The following PRKG1 variants were observed in gnomAD, a reference collection of about 807,000 sequenced individuals.
PRKG1 encodes protein kinase cGMP-dependent 1, also known as cGMP-dependent protein kinase 1.
Under a neutral mutation model 88.1 loss-of-function variants are expected in PRKG1, and 35 were observed. That is an observed-to-expected ratio of 0.40 (90% CI 0.30 to 0.53). The LOEUF (loss-of-function observed/expected upper bound fraction) is 0.53. Ranked by LOEUF, PRKG1 falls within the 20% of genes least tolerant of loss-of-function variation. The pLI is 0.59. For missense variants in PRKG1, 540 were observed against 839.8 expected (o/e 0.64, Z 4.41); for synonymous variants, 303 against 292.5 (o/e 1.04, Z -0.37).
chr10:51,497,570 G>A (rs2132885210), intron 3 of PRKG1, among the ~76,000 whole-genome samples: 1 of 152,330 alleles, frequency 6.6e-6, no homozygotes, highest in Non-Finnish European at 1.5e-5. Flanking sequence ...AAAAAGAAAG[G>A]TAATTGCTAA....
chr10:51,304,330 A>G (rs980535009), intron 2 of PRKG1, among the ~76,000 whole-genome samples: 4 of 152,216 alleles, frequency 2.6e-5, no homozygotes, highest in African/African-American at 9.6e-5. Flanking sequence ...AAAACATTAC[A>G]TAGAATCAAA....
chr10:51,385,283 A>G (rs547968984), intron 2 of PRKG1, among the ~76,000 whole-genome samples: 3 of 152,322 alleles, frequency 2.0e-5, no homozygotes, highest in African/African-American at 7.2e-5. Flanking sequence ...CACACAGTGT[A>G]TTTCTTCCTA....
At chr10:51,902,678 T>A (rs910592795) in intron 4 of PRKG1, among the ~76,000 whole-genome samples, 1 of 152,104 alleles carries the variant, frequency 6.6e-6, no homozygotes, top group Non-Finnish European at 1.5e-5. Flanking sequence ...ACAGTAGAAG[T>A]GCTAATAGCA....
intron 9 of PRKG1, among the ~76,000 whole-genome samples, chr10:52,188,424 T>C (rs892003991): frequency 3.3e-5 from 5 of 150,650 alleles, no homozygotes; most frequent in Admixed American, 6.7e-5. Flanking sequence ...TCATAGCTCA[T>C]TGGAGCCTCA....
intron 3 of PRKG1, among the ~76,000 whole-genome samples, chr10:51,802,718 T>A (rs1283466652): frequency 6.6e-6 from 1 of 151,996 alleles, no homozygotes; most frequent in African/African-American, 2.4e-5. Flanking sequence ...GGGAGAGAGA[T>A]AACAATATTA....
At position 51,390,178 on chromosome 10, in the gene PRKG1, A is replaced by C. The variant is rs1036381720; in HGVS notation, c.479-77545A>C. On this transcript the variant is annotated intron_variant, in intron 2 of 17. Transcript: ENST00000373980. ...TCATGTGGAACACATCCAAAGTGCA[A>C]AACTCTGTGGGAATTCCACCAAGCC... Among the ~76,000 whole-genome samples, 8 of 152,342 alleles carry C rather than the reference A, an allele frequency of 5.3e-5. No individual in the cohort carries two copies. The South Asian group carries it at 1.4e-3, about 28-fold the overall frequency.
At chr10:51,830,560 G>GTTTTTT (rs531412645) in intron 4 of PRKG1, among the ~76,000 whole-genome samples, 9 of 83,630 alleles carry the variant, frequency 1.1e-4, no homozygotes, top group African/African-American at 1.3e-4. Flanking sequence ...TTTTTTTTTT[G>GTTTTTT]TTTTTTTTTT....
At chr10:51,580,400 A>G (rs1473724069) in intron 3 of PRKG1, among the ~76,000 whole-genome samples, 2 of 152,176 alleles carry the variant, frequency 1.3e-5, no homozygotes, top group African/African-American at 4.8e-5. Context: ...ATTCTTGCCA[A>G]CACATGGTAT....
At chr10:52,084,751 C>T (rs914707911) in intron 7 of PRKG1, among the ~76,000 whole-genome samples, 1 of 151,984 alleles carries the variant, frequency 6.6e-6, no homozygotes, top group African/African-American at 2.4e-5. Flanking sequence ...AATAGTTTAT[C>T]TAGTTAACAG....
intron 5 of PRKG1, among the ~76,000 whole-genome samples, chr10:51,991,935 T>A (rs369383287): frequency 6.6e-6 from 1 of 152,200 alleles, no homozygotes; most frequent in Non-Finnish European, 1.5e-5. Context: ...AGAAACTGTA[T>A]GTGAGGAGTC....
In PRKG1 at chr10:52,036,427, G is replaced by C. The variant is rs544427595; in HGVS notation, c.763-18057G>C. Among the ~76,000 whole-genome samples the C allele has an allele frequency of 2.1e-4, 31 of 150,512 alleles. 1 individual carries two copies. Among genetic ancestry groups the C allele is most frequent in the Non-Finnish European group, 3.8e-4 (26 of 67,762 alleles). On this transcript the variant is annotated intron_variant, in intron 5 of 17. Transcript: ENST00000373980. ...GTAAAATGGGGGAATTGTAAGGAGA[G>C]TTTATAGGCTTTAAAAGGCCATGCT...
At chr10:52,087,110 C>G (rs1343618713) in intron 7 of PRKG1, among the ~76,000 whole-genome samples, 1 of 152,086 alleles carries the variant, frequency 6.6e-6, no homozygotes, top group Non-Finnish European at 1.5e-5. Context: ...ACAGCCAAAC[C>G]ATGCCAGATA....
At chr10:51,144,492 G>T (rs1358687827) in intron 1 of PRKG1, among the ~76,000 whole-genome samples, 1 of 152,006 alleles carries the variant, frequency 6.6e-6, no homozygotes, top group Non-Finnish European at 1.5e-5. Context: ...ATTATGAATA[G>T]TGGTAATAAT....
At chr10:51,790,386 G>T (rs1838839724) in intron 3 of PRKG1, among the ~76,000 whole-genome samples, 1 of 152,110 alleles carries the variant, frequency 6.6e-6, no homozygotes, top group Non-Finnish European at 1.5e-5. Context: ...TTAGGTGTCA[G>T]GTGCCATGCT....
chr10:52,037,576 A>T (rs1845649790), intron 5 of PRKG1, among the ~76,000 whole-genome samples: 1 of 152,124 alleles, frequency 6.6e-6, no homozygotes, highest in Non-Finnish European at 1.5e-5. Flanking sequence ...TTTATATTTG[A>T]TGAAAAAGAG....
intron 9 of PRKG1, among the ~76,000 whole-genome samples, chr10:52,186,511 G>A (rs1244064648): frequency 1.3e-5 from 2 of 151,832 alleles, no homozygotes; most frequent in Non-Finnish European, 1.5e-5. Context: ...CACTACCAAC[G>A]CTGGGAATCA....
intron 9 of PRKG1, among the ~76,000 whole-genome samples, chr10:52,234,257 T>C (rs1302117687): frequency 2.6e-5 from 4 of 152,036 alleles, no homozygotes; most frequent in African/African-American, 4.8e-5. Flanking sequence ...ACGCAGAGTG[T>C]CTCTCCTCCT....
chr10:51,940,889 T>C (rs1235454846), intron 5 of PRKG1, among the ~76,000 whole-genome samples: 1 of 151,982 alleles, frequency 6.6e-6, no homozygotes, highest in African/African-American at 2.4e-5. Context: ...ATGATCATTA[T>C]CTATATGATG....
intron 1 of PRKG1, among the ~76,000 whole-genome samples, chr10:51,035,330 C>T (rs928886700): frequency 4.6e-5 from 7 of 152,132 alleles, no homozygotes; most frequent in Non-Finnish European, 7.4e-5. Flanking sequence ...TTTCCTCCCC[C>T]GACAACTATA....
Sources: allele counts gnomAD v4.1 joint callset (sites outside exome capture counted in the v4.1 genomes callset), GRCh38; gene constraint gnomAD v4.1.1; transcripts MANE v1.5; gene names NCBI Gene and HGNC (gene_info 2026-07-23, HGNC 2026-07-21).